Variants in RNF216 observed in about 807,000 individuals in gnomAD.
The protein encoded by RNF216 is E3 ubiquitin-protein ligase RNF216.
Under a neutral mutation model 110.8 loss-of-function variants are expected in RNF216, and 72 were observed. The ratio of observed to expected loss-of-function variants is 0.65; its 90% CI spans 0.54 to 0.79. The LOEUF is 0.79. RNF216 is among the 30% of genes least tolerant of loss of function. The pLI, the probability that RNF216 is intolerant of heterozygous loss-of-function variation, is 0.00. For synonymous variants in RNF216, 495 were observed against 407.5 expected (o/e 1.21, Z -2.59); for missense variants, 1,342 against 1,141.2 (o/e 1.18, Z -2.54).
At chr7:5,626,357 G>A (rs185502595) in intron 15 of RNF216, among the ~76,000 whole-genome samples, 20 of 151,750 alleles carry the variant, frequency 1.3e-4, no homozygotes, top group Admixed American at 1.2e-3. Flanking sequence ...TCTCTAGACT[G>A]GGAGCTGGCA....
intron 13 of RNF216, among the ~76,000 whole-genome samples, chr7:5,672,770 A>G: frequency 6.6e-6 from 1 of 152,128 alleles, no homozygotes; most frequent in East Asian, 1.9e-4. Context: ...CGCAAGGTAG[A>G]GGATGGATAT....
chr7:5,647,962 C>A (rs987653059), intron 14 of RNF216, among the ~76,000 whole-genome samples: 2 of 152,146 alleles, frequency 1.3e-5, no homozygotes, highest in African/African-American at 4.8e-5. Context: ...TAGGCCATGA[C>A]ATTCATTTGC....
rs66617363 is a variant in RNF216 at position 5,660,265 on chromosome 7, C to CTTTTTTTTT, written c.2062-7764_2062-7756dup. Among the ~76,000 whole-genome samples, 32 of 33,650 alleles carry CTTTTTTTTT rather than the reference C, an allele frequency of 9.5e-4. 6 individuals are homozygous for CTTTTTTTTT. Among genetic ancestry groups the CTTTTTTTTT allele is most frequent in the Non-Finnish European group, 1.8e-3 (29 of 16,338 alleles). The allele number at this position is 33,650 out of a possible 152,430, so 22.1% of individuals were successfully genotyped here. On this transcript the variant is annotated intron_variant, in intron 13 of 16. Transcript: ENST00000389902. ...ACAGAGCCCGGCCCTGTTTTAAATT[C>CTTTTTTTTT]TTTTTTTTTTTTTTTTTTTTTTTTT...
At chr7:5,655,256 G>C (rs1034693602) in intron 13 of RNF216, among the ~76,000 whole-genome samples, 4 of 152,150 alleles carry the variant, frequency 2.6e-5, no homozygotes, top group African/African-American at 7.2e-5. Context: ...TTCTTCTGTA[G>C]GTGAACGTGT....
At chr7:5,708,116 G>C (rs1792418281) in intron 13 of RNF216, among the ~76,000 whole-genome samples, 1 of 152,186 alleles carries the variant, frequency 6.6e-6, no homozygotes, top group African/African-American at 2.4e-5. Flanking sequence ...TACTTGGTAT[G>C]ATTTTGATCT....
chr7:5,779,498 T>C (rs1469325723), intron 1 of RNF216, among the ~76,000 whole-genome samples: 4 of 151,968 alleles, frequency 2.6e-5, no homozygotes, highest in African/African-American at 9.7e-5. Context: ...GCCGACTAAA[T>C]TGAGATGTTT....
intron 3 of RNF216, among the ~76,000 whole-genome samples, chr7:5,747,398 T>G (rs573301287): frequency 6.6e-6 from 1 of 152,320 alleles, no homozygotes; most frequent in African/African-American, 2.4e-5. Flanking sequence ...GAATATTATT[T>G]TCCTGAGGAT....
chr7:5,724,620 G>C (rs1000365426), intron 8 of RNF216, among the ~76,000 whole-genome samples: 10 of 152,202 alleles, frequency 6.6e-5, no homozygotes, highest in Non-Finnish European at 1.3e-4. Context: ...TTTTCTTTTA[G>C]AGCCTGAAAA....
chr7:5,725,332 A>G lies in RNF216; in HGVS notation c.1496T>C (p.Phe499Ser). The change falls in exon 8 of 17, where the codon TTT becomes TCT. Residue 499 changes from phenylalanine (F) to serine (S), a missense_variant. Coordinates refer to ENST00000389902, the MANE Select transcript of RNF216 (RefSeq NM_207111.4). ...MNQYSYIDFK[F>S]EQGDIKIEKR... ...AACACAGTTTGCATTACCTTGTTCA[A>G]ACTTGAAATCAATGTAAGAATACTG... is the stretch of plus-strand genomic sequence containing the variant. 1 of 1,593,314 alleles carries G rather than the reference A, an allele frequency of 6.3e-7. No individual in the cohort carries two copies.
intron 16 of RNF216, 76 bp from the exon 17 acceptor site, chr7:5,623,255 C>T (rs1029950460): frequency 4.3e-5 from 60 of 1,389,070 alleles, no homozygotes; most frequent in Non-Finnish European, 5.5e-5. Context: ...ACCAGGGCAG[C>T]GACCTCTGGA....
At chr7:5,753,697 A>G (rs1795451264) in intron 2 of RNF216, among the ~76,000 whole-genome samples, 1 of 152,176 alleles carries the variant, frequency 6.6e-6, no homozygotes, top group South Asian at 2.1e-4. Flanking sequence ...AAGAGGGACA[A>G]TTTTAAAAAA....
At chr7:5,705,045 T>C (rs1232648410) in intron 13 of RNF216, among the ~76,000 whole-genome samples, 1 of 152,224 alleles carries the variant, frequency 6.6e-6, no homozygotes, top group African/African-American at 2.4e-5. Context: ...CCAGCATTTC[T>C]AAGCTAATAA....
intron 1 of RNF216, chr7:5,775,120 C>A (rs1472400375): frequency 6.6e-6 from 1 of 152,172 alleles, no homozygotes; most frequent in African/African-American, 2.4e-5. Context: ...ACTTCTTCCT[C>A]TGTCAAAGAC....
chr7:5,723,221 G>A (rs1432309567), intron 8 of RNF216, among the ~76,000 whole-genome samples: 1 of 152,106 alleles, frequency 6.6e-6, no homozygotes, highest in Non-Finnish European at 1.5e-5. Flanking sequence ...AGTGCTCAAT[G>A]TTAATTACTG....
intron 1 of RNF216, among the ~76,000 whole-genome samples, chr7:5,765,288 T>C (rs992277423): frequency 2.7e-5 from 4 of 149,594 alleles, no homozygotes; most frequent in African/African-American, 9.8e-5. Context: ...CAGTGAGGAC[T>C]ATCTATACTG....
chr7:5,665,412 T>TACCATTTC (rs1789443141), intron 13 of RNF216, among the ~76,000 whole-genome samples: 1 of 152,212 alleles, frequency 6.6e-6, no homozygotes, highest in African/African-American at 2.4e-5. Flanking sequence ...ACACCTCACC[T>TACCATTTC]ACCATTTCTA....
chr7:5,741,243 T>C lies in RNF216; in HGVS notation c.774A>G (p.Ala258=). The stretch of plus-strand genomic sequence containing the variant: ...GCTGAAACAACAAGCGGCCCAGTTC[T>C]GCTTCAGGCTGCCGTTCCTGAGGAA... ...QVVPQERQPE[A]ELGRLLFQHE... The change falls in exon 4 of 17, where the codon GCA becomes GCG. Residue 258 remains alanine (A), a synonymous_variant. Transcript: ENST00000389902. The C allele has an allele frequency of 1.2e-6, 2 of 1,614,176 alleles. No homozygotes were observed. The highest frequency in any genetic ancestry group is 1.7e-6 in the Non-Finnish European group (2 of 1,180,024).
chr7:5,686,224 TAAA>T (rs71971690), intron 13 of RNF216, among the ~76,000 whole-genome samples: 2 of 111,614 alleles, frequency 1.8e-5, no homozygotes, highest in Admixed American at 9.3e-5. Context: ...ACTCTGTTAT[TAAA>T]AAAAAAAAAA....
chr7:5,776,916 A>AG (rs1554268179), intron 1 of RNF216, among the ~76,000 whole-genome samples: 14 of 147,516 alleles, frequency 9.5e-5, no homozygotes, highest in East Asian at 4.1e-4. Flanking sequence ...AAAAAAAAAA[A>AG]AGAGAGAGAG....
Sources: allele counts gnomAD v4.1 joint callset (sites outside exome capture counted in the v4.1 genomes callset), GRCh38; gene constraint gnomAD v4.1.1; transcripts MANE v1.5; gene names NCBI Gene and HGNC (gene_info 2026-07-23, HGNC 2026-07-21).